Variants in AOX1 observed in about 807,000 individuals in gnomAD.
AOX1 encodes aldehyde oxidase 1.
AOX1 carries 153 observed loss-of-function variants against 169.5 expected under a neutral mutation model. The ratio of observed to expected loss-of-function variants is 0.90; its 90% CI spans 0.79 to 1.03. The LOEUF is 1.03. Ranked by LOEUF, AOX1 falls within the 50% of genes least tolerant of loss-of-function variation. AOX1 has a pLI of 0.00. For synonymous variants in AOX1, 562 were observed against 581.9 expected (o/e 0.97, Z 0.49); for missense variants, 1,656 against 1,663.9 (o/e 1.00, Z 0.08).
chr2:200,660,534 A>G (rs76335110), intron 29 of AOX1, among the ~76,000 whole-genome samples: 4,951 of 152,336 alleles, frequency 0.033, 129 homozygotes, highest in South Asian at 0.051. Context: ...ATAGGTACTC[A>G]ATGGAATGGA....
intron 13 of AOX1, 74 bp downstream of exon 13, chr2:200,611,567 A>G: frequency 1.0e-6 from 1 of 985,688 alleles, no homozygotes; most frequent in Non-Finnish European, 1.6e-6. Flanking sequence ...TATATGGTGG[A>G]ATAAGAAAAA....
intron 20 of AOX1, among the ~76,000 whole-genome samples, chr2:200,630,767 G>A (rs762390656): frequency 2.6e-5 from 4 of 152,050 alleles, no homozygotes; most frequent in East Asian, 1.9e-4. Flanking sequence ...ATTTCAATGC[G>A]AGGTAATTGC....
chr2:200,630,531 G>A (rs2035096145), intron 20 of AOX1, among the ~76,000 whole-genome samples: 1 of 140,098 alleles, frequency 7.1e-6, no homozygotes, highest in Admixed American at 7.4e-5. Flanking sequence ...AAAAAAGATG[G>A]ATGGATGGAA....
At chr2:200,663,496 C>T (rs1331934488) in intron 31 of AOX1, among the ~76,000 whole-genome samples, 1 of 151,364 alleles carries the variant, frequency 6.6e-6, no homozygotes, top group African/African-American at 2.4e-5. Context: ...TTAAGAGCAT[C>T]CTTATGCTTT....
At chr2:200,660,544 A>G (rs894583163) in intron 29 of AOX1, among the ~76,000 whole-genome samples, 1 of 152,230 alleles carries the variant, frequency 6.6e-6, no homozygotes, top group Non-Finnish European at 1.5e-5. Context: ...AATGGAATGG[A>G]AATACTCAAC....
At chr2:200,652,647 C>A (rs979657529) in intron 26 of AOX1, among the ~76,000 whole-genome samples, 1 of 152,196 alleles carries the variant, frequency 6.6e-6, no homozygotes, top group Non-Finnish European at 1.5e-5. Context: ...AATCCTCTCA[C>A]GTTTGGCCGT....
chr2:200,620,324 G>A (rs1312608022), intron 16 of AOX1, among the ~76,000 whole-genome samples: 5 of 151,228 alleles, frequency 3.3e-5, no homozygotes, highest in Admixed American at 6.6e-5. Context: ...TCAGCCTCCC[G>A]AGTAGCTGGG....
chr2:200,618,237 T>C (rs1273999499), intron 16 of AOX1, among the ~76,000 whole-genome samples: 1 of 152,236 alleles, frequency 6.6e-6, no homozygotes, highest in Non-Finnish European at 1.5e-5. Context: ...TAACTGAAAA[T>C]GAAAAAACAA....
At position 200,656,928 on chromosome 2, in the gene AOX1, A is replaced by G; in HGVS notation, c.3162A>G (p.Lys1054=). The G allele has an allele frequency of 6.4e-7, 1 of 1,573,102 alleles. No homozygotes were observed. The highest frequency in any genetic ancestry group is 2.3e-5 in the East Asian group (1 of 43,038). ...GIEMGQGVHT[K]MIQVVSRELR... The stretch of plus-strand genomic sequence containing the variant: ...AAATGGGGCAGGGGGTCCACACTAA[A>G]ATGATTCAGGTAAGAATGCAAATAA... Residue 1054 remains lysine (K), a synonymous_variant, in exon 27 of 35, where the codon AAA becomes AAG. Coordinates refer to ENST00000374700, the MANE Select transcript of AOX1 (RefSeq NM_001159.4).
At chr2:200,638,336 G>A in intron 23 of AOX1, 34 bp downstream of exon 23, 1 of 1,591,066 alleles carries the variant, frequency 6.3e-7, no homozygotes, top group Non-Finnish European at 8.6e-7. Flanking sequence ...AAGGATTTAT[G>A]TTGTAGATAC....
intron 11 of AOX1, 69 bp downstream of exon 11, chr2:200,609,204 T>C: frequency 6.3e-7 from 1 of 1,597,558 alleles, no homozygotes; most frequent in Non-Finnish European, 8.6e-7. Flanking sequence ...AATCATGACA[T>C]TTTCATTCTT....
rs115272440 is a variant in AOX1 at position 200,586,903 on chromosome 2, C to T, written c.45+750C>T. On this transcript the variant is annotated intron_variant, in intron 1 of 34. Transcript: ENST00000374700. ...TTTAAAACACCCCCCTTAATGTGAG[C>T]ATCAACTCTGCTCACTCTTAATGTT... Among the ~76,000 whole-genome samples, 698 of 152,274 alleles carry T rather than the reference C, an allele frequency of 4.6e-3. 2 individuals are homozygous for T. Among genetic ancestry groups the T allele is most frequent in the African/African-American group, 0.016 (681 of 41,548 alleles).
intron 28 of AOX1, among the ~76,000 whole-genome samples, chr2:200,659,784 TCTCACACACA>T (rs1454194385): frequency 7.5e-4 from 60 of 79,628 alleles, no homozygotes; most frequent in South Asian, 4.4e-3. Flanking sequence ...CAGTTCTCTC[TCTCACACACA>T]CACACACACA....
Position 200,643,410 on chromosome 2 carries a change from T to TATATAC in AOX1, c.2847+612_2847+613insTACATA, listed in dbSNP as rs1559252373. On this transcript the variant is annotated intron_variant, in intron 25 of 34. Transcript: ENST00000374700. ...ATACACACACACACATATATATATA[T>TATATAC]ATACATACATACATACACACACCAC... Among the ~76,000 whole-genome samples, 8 of 151,614 alleles carry TATATAC rather than the reference T, an allele frequency of 5.3e-5. No homozygotes were observed. The East Asian group carries it at 1.4e-3, about 26-fold the overall frequency.
rs150316811 is a variant in AOX1 at position 200,623,965 on chromosome 2, G to A, written c.2106G>A (p.Pro702=). Residue 702 remains proline (P), a synonymous_variant, in exon 19 of 35, where the codon CCG becomes CCA. Transcript: ENST00000374700. The part of the protein sequence containing the change: ...RVKIVYQDLE[P]LILTIEESIQ... Reference sequence around the variant, plus strand: ...AGATTGTCTATCAAGACTTGGAGCCGCTGATACTAACAATTGAGGTAATGA... The same window carrying A: ...AGATTGTCTATCAAGACTTGGAGCCACTGATACTAACAATTGAGGTAATGA... 5.4e-5 allele frequency: 87 copies of A among 1,613,972 alleles called. No individual in the cohort carries two copies. Among genetic ancestry groups the A allele is most frequent in the Middle Eastern group, 4.9e-4 (3 of 6,080 alleles).
downstream of AOX1, among the ~76,000 whole-genome samples, chr2:200,678,920 C>G (rs2036132217): frequency 1.3e-5 from 2 of 152,166 alleles, no homozygotes; most frequent in Non-Finnish European, 2.9e-5. Context: ...CTTCCCCACA[C>G]CTTCCAGGCT....
chr2:200,638,246 CGAG>C lies in AOX1; in HGVS notation c.2516_2518del (p.Gly839del), dbSNP rs763155140. The C allele has an allele frequency of 2.5e-6, 4 of 1,613,520 alleles. No homozygotes were observed. Among genetic ancestry groups the C allele is most frequent in the East Asian group, 2.2e-5 (1 of 44,858 alleles). ...CCGTGCAGTTCGCTGTGTTCTGGAA[CGAG>C]GAGAAGACATGTTAATAACTGGAGG... On this transcript the variant is annotated inframe_deletion, in exon 23 of 35. Transcript: ENST00000374700.
intron 26 of AOX1, among the ~76,000 whole-genome samples, chr2:200,652,055 G>A (rs1374728354): frequency 1.3e-5 from 2 of 152,150 alleles, no homozygotes; most frequent in Non-Finnish European, 2.9e-5. Context: ...TGGCAGCTGT[G>A]CTGAGCGATC....
At chr2:200,678,292 T>G (rs919237468), downstream of AOX1, 1 of 152,242 alleles carries the variant, frequency 6.6e-6, no homozygotes, top group African/African-American at 2.4e-5. Flanking sequence ...ATTAAAACCC[T>G]TAGTTCAAGT....
Sources: allele counts gnomAD v4.1 joint callset (sites outside exome capture counted in the v4.1 genomes callset), GRCh38; gene constraint gnomAD v4.1.1; transcripts MANE v1.5; gene names NCBI Gene and HGNC (gene_info 2026-07-23, HGNC 2026-07-21).